The following DCDC2 variants were observed in gnomAD, a reference collection of about 807,000 sequenced individuals.
The protein encoded by DCDC2 is doublecortin domain containing 2, also known as doublecortin domain-containing protein 2.
A neutral mutation model predicts 50.2 loss-of-function variants in DCDC2; 40 were observed. The ratio of observed to expected loss-of-function variants is 0.80; its 90% CI spans 0.62 to 1.04. The LOEUF (loss-of-function observed/expected upper bound fraction) is 1.04. Ranked by LOEUF, DCDC2 falls within the 50% of genes least tolerant of loss-of-function variation. The pLI is 0.00. For synonymous variants in DCDC2, 234 were observed against 210.6 expected (o/e 1.11, Z -0.96); for missense variants, 570 against 581.9 (o/e 0.98, Z 0.21).
chr6:24,339,257 C>T (rs1408279889), intron 2 of DCDC2, among the ~76,000 whole-genome samples: 1 of 152,020 alleles, frequency 6.6e-6, no homozygotes, highest in Non-Finnish European at 1.5e-5. Flanking sequence ...CTGAGGATTC[C>T]CCTGGCTTAT....
intron 2 of DCDC2, among the ~76,000 whole-genome samples, chr6:24,333,962 T>A (rs1004546729): frequency 6.6e-6 from 1 of 152,024 alleles, no homozygotes; most frequent in African/African-American, 2.4e-5. Context: ...AAAACTGGAA[T>A]GGATAGTGGG....
chr6:24,200,378 T>G (rs1581582346), intron 8 of DCDC2, among the ~76,000 whole-genome samples: 2 of 152,322 alleles, frequency 1.3e-5, no homozygotes, highest in East Asian at 3.9e-4. Flanking sequence ...AAAAGAATTT[T>G]CAACCCAGAT....
chr6:24,190,955 G>C (rs1194004770), intron 8 of DCDC2, among the ~76,000 whole-genome samples: 3 of 152,154 alleles, frequency 2.0e-5, no homozygotes, highest in African/African-American at 4.8e-5. Context: ...TCTTCTTTAA[G>C]ATGTACAGGG....
Position 24,278,650 on chromosome 6 carries a change from T to A in DCDC2, c.760-439A>T, listed in dbSNP as rs370403053. On this transcript the variant is annotated intron_variant, in intron 6 of 9. Transcript: ENST00000378454. ...CAGCTGCCTCCAAAACCACTGTAAATCCACTGCCTTAACAATCCTCTCACT... is the reference window on the plus strand; with the variant it reads ...CAGCTGCCTCCAAAACCACTGTAAAACCACTGCCTTAACAATCCTCTCACT... 6.6e-5 allele frequency among the ~76,000 whole-genome samples: 10 copies of A among 152,226 alleles called. 1 individual carries two copies. In the South Asian group the frequency reaches 1.9e-3, roughly 28 times the overall value.
At chr6:24,183,329 T>G (rs1421275333) in intron 8 of DCDC2, among the ~76,000 whole-genome samples, 1 of 151,794 alleles carries the variant, frequency 6.6e-6, no homozygotes, top group Non-Finnish European at 1.5e-5. Context: ...CAAAAAGAAA[T>G]AAAATGGAGC....
chr6:24,289,707 T>C lies in DCDC2; in HGVS notation c.705-801A>G, dbSNP rs1035837825. ...TGCTAGAAAACCATGTGCTCTTGCA[T>C]AGTTCAAACACCACCCCTGAAATTC... is the stretch of plus-strand genomic sequence containing the variant. On this transcript the variant is annotated intron_variant, in intron 5 of 9. Coordinates refer to ENST00000378454, the MANE Select transcript of DCDC2 (RefSeq NM_016356.5). Among the ~76,000 whole-genome samples the C allele has an allele frequency of 7.2e-5, 11 of 152,324 alleles. No individual in the cohort carries two copies. In the East Asian group the frequency reaches 1.7e-3, roughly 24 times the overall value.
At chr6:24,284,717 C>A (rs1156681442) in intron 6 of DCDC2, among the ~76,000 whole-genome samples, 1 of 152,010 alleles carries the variant, frequency 6.6e-6, no homozygotes, top group African/African-American at 2.4e-5. Flanking sequence ...CTTTGCATGC[C>A]TATATGATTG....
intron 8 of DCDC2, among the ~76,000 whole-genome samples, chr6:24,190,486 A>C (rs1761291392): frequency 6.6e-6 from 1 of 152,182 alleles, no homozygotes; most frequent in African/African-American, 2.4e-5. Context: ...TATGTAACAA[A>C]CCTGCACGTT....
upstream of DCDC2, among the ~76,000 whole-genome samples, chr6:24,361,385 C>A (rs1240599842): frequency 6.6e-6 from 1 of 151,416 alleles, no homozygotes; most frequent in African/African-American, 2.4e-5. Flanking sequence ...CACGAGTTAC[C>A]TATATAACAA....
intron 8 of DCDC2, among the ~76,000 whole-genome samples, chr6:24,185,900 T>C (rs115051689): frequency 1.8e-3 from 279 of 152,326 alleles, no homozygotes; most frequent in African/African-American, 6.5e-3. Flanking sequence ...GTAGCAAAAC[T>C]ACTGAAGAGG....
At chr6:24,359,520 ATT>A (rs1172002595), upstream of DCDC2, among the ~76,000 whole-genome samples, 1 of 101,868 alleles carries the variant, frequency 9.8e-6, no homozygotes, top group Non-Finnish European at 1.8e-5. Context: ...TATTATATAT[ATT>A]TTATATATAT....
At chr6:24,191,230 AG>A (rs1761307043) in intron 8 of DCDC2, among the ~76,000 whole-genome samples, 1 of 152,222 alleles carries the variant, frequency 6.6e-6, no homozygotes, top group Admixed American at 6.5e-5. Flanking sequence ...AAGCAAGACA[AG>A]AAGTTCTTCA....
chr6:24,268,480 C>CT (rs1235245711), intron 7 of DCDC2, among the ~76,000 whole-genome samples: 2 of 152,248 alleles, frequency 1.3e-5, no homozygotes, highest in Non-Finnish European at 2.9e-5. Flanking sequence ...GAGTCAGACT[C>CT]TGTCTCAAAA....
chr6:24,292,758 T>C (rs368441560), intron 4 of DCDC2, among the ~76,000 whole-genome samples: 3 of 152,242 alleles, frequency 2.0e-5, no homozygotes, highest in East Asian at 1.9e-4. Flanking sequence ...TTGGACCAGA[T>C]AATTCTTTGC....
chr6:24,256,661 G>A (rs944427223), intron 7 of DCDC2, among the ~76,000 whole-genome samples: 1 of 152,146 alleles, frequency 6.6e-6, no homozygotes, highest in Admixed American at 6.6e-5. Flanking sequence ...TTATAAAAAC[G>A]TGTTTGGGAG....
chr6:24,183,556 G>T (rs187687313), intron 8 of DCDC2, among the ~76,000 whole-genome samples: 3 of 152,174 alleles, frequency 2.0e-5, no homozygotes, highest in African/African-American at 7.2e-5. Flanking sequence ...GAAGAAGCCA[G>T]GAAAAGCCCT....
intron 7 of DCDC2, among the ~76,000 whole-genome samples, chr6:24,241,521 T>C (rs1025037580): frequency 6.6e-6 from 1 of 152,232 alleles, no homozygotes; most frequent in Admixed American, 6.5e-5. Flanking sequence ...GACTCATTTT[T>C]TAAATACATA....
chr6:24,375,303 T>C, the DCDC2 span, among the ~76,000 whole-genome samples: 1 of 151,948 alleles, frequency 6.6e-6, no homozygotes, highest in African/African-American at 2.4e-5. Flanking sequence ...CCGAGAGGGA[T>C]CTCTTGCTGA....
chr6:24,254,332 A>T (rs1762851167), intron 7 of DCDC2, among the ~76,000 whole-genome samples: 1 of 152,224 alleles, frequency 6.6e-6, no homozygotes, highest in Admixed American at 6.5e-5. Context: ...TATCTATTAT[A>T]ATTTTCAAGT....
Sources: allele counts gnomAD v4.1 joint callset (sites outside exome capture counted in the v4.1 genomes callset), GRCh38; gene constraint gnomAD v4.1.1; transcripts MANE v1.5; gene names NCBI Gene and HGNC (gene_info 2026-07-23, HGNC 2026-07-21).